The following MRPS10 variants were observed in gnomAD, a reference collection of about 807,000 sequenced individuals.
The protein encoded by MRPS10 is mitochondrial ribosomal protein S10.
MRPS10 carries 23 observed loss-of-function variants against 27.5 expected under a neutral mutation model. That is an observed-to-expected ratio of 0.84 (90% confidence interval 0.60 to 1.18). The LOEUF (loss-of-function observed/expected upper bound fraction) is 1.18. Among genes scored for constraint, MRPS10 ranks in the 50% most tolerant of loss-of-function variants. MRPS10 has a pLI of 0.00. For missense variants in MRPS10, 237 were observed against 240.1 expected (o/e 0.99, Z 0.09); for synonymous variants, 88 against 84.2 (o/e 1.04, Z -0.25).
Position 42,215,359 on chromosome 6 carries a change from C to CA in MRPS10, c.49-1016dup, listed in dbSNP as rs771389045. On this transcript the variant is annotated intron_variant, in intron 1 of 6. Transcript: ENST00000053468. ...TGGGTGACAGAGCGAGACTCCCTCT[C>CA]AAAAAAAAAAAAAGAAGTTTAGCAT... is the stretch of plus-strand genomic sequence containing the variant. Among the ~76,000 whole-genome samples, 108 of 73,254 alleles carry CA rather than the reference C, an allele frequency of 1.5e-3. 8 individuals are homozygous for CA. The highest frequency in any genetic ancestry group is 0.016 in the Middle Eastern group (2 of 122). The allele number at this position is 73,254 out of a possible 152,430, so 48.1% of individuals were successfully genotyped here. A position where few individuals can be genotyped will look rare whatever the true frequency, so the allele number is the denominator to read the frequency against.
At chr6:42,215,415 C>T (rs1306617794) in intron 1 of MRPS10, among the ~76,000 whole-genome samples, 2 of 143,496 alleles carry the variant, frequency 1.4e-5, no homozygotes, top group African/African-American at 5.2e-5. Flanking sequence ...AAATGATTGT[C>T]ACCTAAGTAC....
chr6:42,215,696 G>C (rs1255449580), intron 1 of MRPS10, among the ~76,000 whole-genome samples: 1 of 152,096 alleles, frequency 6.6e-6, no homozygotes, highest in Non-Finnish European at 1.5e-5. Flanking sequence ...CAAAGTGCTG[G>C]GATTTCAGGA....
chr6:42,217,763 C>G (rs1208940253), intron 1 of MRPS10, 39 bp downstream of exon 1: 1 of 1,609,438 alleles, frequency 6.2e-7, no homozygotes. Context: ...AAGCAACTAT[C>G]CCGGTCAGCC....
chr6:42,217,121 A>G (rs1768962664), intron 1 of MRPS10, among the ~76,000 whole-genome samples: 1 of 152,180 alleles, frequency 6.6e-6, no homozygotes. Flanking sequence ...CAGAAAATAT[A>G]TTTTTCATAA....
At position 42,214,128 on chromosome 6, in the gene MRPS10, T is replaced by C. The variant is rs754750651; in HGVS notation, c.178A>G (p.Lys60Glu). The C allele has an allele frequency of 6.2e-7, 1 of 1,611,304 alleles. No homozygotes were observed. Among genetic ancestry groups the C allele is most frequent in the Non-Finnish European group, 8.5e-7 (1 of 1,178,538 alleles). The part of the protein sequence containing the change: ...LHVDVPKDLT[K>E]PVVTISDEPD... Reference sequence around the variant, plus strand: ...AAACAGGGAGTACATACCACAGGTTTGGTCAAATCCTTTGGAACATCAACG... The same window carrying C: ...AAACAGGGAGTACATACCACAGGTTCGGTCAAATCCTTTGGAACATCAACG... The change falls in exon 3 of 7, where the codon AAA becomes GAA. Residue 60 changes from lysine (K) to glutamate (E), a missense_variant. This residue lies in a region of MRPS10 where 164 missense variants were observed against 137.8 expected (regional missense o/e 1.19). Transcript: ENST00000053468.
rs555605966 is a variant in MRPS10, at chr6:42,208,013, C to T, written c.*276G>A. Reference sequence around the variant, plus strand: ...CAAACTAATAATTGAACACCAGTAGCGTAACAAAATAGAATTTTCACTCTT... The same window carrying T: ...CAAACTAATAATTGAACACCAGTAGTGTAACAAAATAGAATTTTCACTCTT... On this transcript the variant is annotated 3_prime_UTR_variant, in exon 7 of 7. Coordinates refer to ENST00000053468, the MANE Select transcript of MRPS10 (RefSeq NM_018141.4). 16 of 411,664 alleles carry T rather than the reference C, an allele frequency of 3.9e-5. No individual in the cohort carries two copies. Among genetic ancestry groups the T allele is most frequent in the African/African-American group, 3.2e-4 (15 of 47,448 alleles). 25.5% of individuals were successfully genotyped at this position (411,664 alleles called of 1,614,324 possible). A position where few individuals can be genotyped will look rare whatever the true frequency, so the allele number is the denominator to read the frequency against.
In MRPS10 at chr6:42,214,263, T is replaced by C; in HGVS notation, c.113+17A>G. 8.1e-6 allele frequency: 13 copies of C among 1,611,186 alleles called. No individual in the cohort carries two copies. The highest frequency in any genetic ancestry group is 1.1e-5 in the Non-Finnish European group (13 of 1,177,754). ...AACCTATTTTGTTCAATTTAGCACA[T>C]CCAATTGTATACTTACAGAAGCAAG... On this transcript the variant is annotated intron_variant, in intron 2 of 6. Coordinates refer to ENST00000053468, the MANE Select transcript of MRPS10 (RefSeq NM_018141.4).
intron 5 of MRPS10, among the ~76,000 whole-genome samples, chr6:42,210,250 T>A (rs1221729329): frequency 6.6e-6 from 1 of 151,984 alleles, no homozygotes; most frequent in Non-Finnish European, 1.5e-5. Flanking sequence ...TCCAATGCTA[T>A]CTTTGCATAA....
chr6:42,216,385 A>AGAGAGAGAGAGTGT, intron 1 of MRPS10, among the ~76,000 whole-genome samples: 3 of 58,642 alleles, frequency 5.1e-5, no homozygotes, highest in Admixed American at 2.1e-4. Context: ...AGAGAGAGAG[A>AGAGAGAGAGAGTGT]GTGTGTGTGT....
At position 42,211,931 on chromosome 6, in the gene MRPS10, GAA is replaced by G. The variant is rs778608770; in HGVS notation, c.187-16_187-15del. 1 of 1,600,984 alleles carries G rather than the reference GAA, an allele frequency of 6.2e-7. No homozygotes were observed. Among genetic ancestry groups the G allele is most frequent in the Non-Finnish European group, 8.5e-7 (1 of 1,176,444 alleles). ...AGAGATTGTTACCTAAAATCCAAAAGAAAAGTTTCAGTTTTAGTTCCTCTTCT... is the reference window on the plus strand; with the variant it reads ...AGAGATTGTTACCTAAAATCCAAAAGAAGTTTCAGTTTTAGTTCCTCTTCT... On this transcript the variant is annotated splice_polypyrimidine_tract_variant and intron_variant, in intron 3 of 6. Transcript: ENST00000053468.
intron 4 of MRPS10, among the ~76,000 whole-genome samples, chr6:42,211,041 G>C (rs1318701487): frequency 5.3e-5 from 8 of 152,192 alleles, no homozygotes; most frequent in Non-Finnish European, 8.8e-5. Context: ...GTTTTTGTCA[G>C]AAGGCCAGAC....
intron 1 of MRPS10, among the ~76,000 whole-genome samples, chr6:42,216,357 CTT>C (rs1321575347): frequency 2.1e-4 from 8 of 38,012 alleles, no homozygotes; most frequent in East Asian, 2.5e-3. Flanking sequence ...CTTTGTATTT[CTT>C]GAGAGAGAGA....
chr6:42,216,010 CTTTTTTTTTTCTTTTCTT>C lies in MRPS10; in HGVS notation c.49-1684_49-1667del, dbSNP rs1228111801. 1.7e-3 allele frequency among the ~76,000 whole-genome samples: 218 copies of C among 129,116 alleles called. 5 individuals are homozygous for C. The highest frequency in any genetic ancestry group is 0.016 in the Middle Eastern group (4 of 244). 84.7% of individuals were successfully genotyped at this position (129,116 alleles called of 152,430 possible). On this transcript the variant is annotated intron_variant, in intron 1 of 6. Transcript: ENST00000053468. ...ACTATAAACCTCTGCTTTTTCTTTT[CTTTTTTTTTTCTTTTCTT>C]TTTTTTTTTTTTTTTGAGAGAGTCT...
At chr6:42,209,158 C>A (rs549379512) in intron 5 of MRPS10, among the ~76,000 whole-genome samples, 7 of 151,768 alleles carry the variant, frequency 4.6e-5, no homozygotes, top group Non-Finnish European at 1.0e-4. Flanking sequence ...CCATGTCCAG[C>A]TAATTTTTTT....
At chr6:42,211,636 T>C (rs2113862193) in intron 4 of MRPS10, 145 bp downstream of exon 4, 2 of 730,562 alleles carry the variant, frequency 2.7e-6, no homozygotes, top group Non-Finnish European at 4.1e-6. Flanking sequence ...GTTGTGCCAC[T>C]GTACTCCAGC....
Position 42,208,179 on chromosome 6 carries a change from A to G in MRPS10, c.*110T>C, listed in dbSNP as rs1768661710. 7 of 802,814 alleles carry G rather than the reference A, an allele frequency of 8.7e-6. No homozygotes were observed. Among genetic ancestry groups the G allele is most frequent in the Non-Finnish European group, 1.3e-5 (6 of 476,974 alleles). 49.7% of individuals were successfully genotyped at this position (802,814 alleles called of 1,614,324 possible). A position where few individuals can be genotyped will look rare whatever the true frequency, so the allele number is the denominator to read the frequency against. On this transcript the variant is annotated 3_prime_UTR_variant, in exon 7 of 7. Transcript: ENST00000053468. ...TGATGAGGGCACGAGAACTCAATGG[A>G]GCAGTTAGGGCAGACTCAAATCATC... is the stretch of plus-strand genomic sequence containing the variant.
chr6:42,209,554 C>T (rs1027085425), intron 5 of MRPS10, among the ~76,000 whole-genome samples: 7 of 151,696 alleles, frequency 4.6e-5, no homozygotes, highest in African/African-American at 1.7e-4. Context: ...TCAAGACCAG[C>T]CTGACCAATA....
chr6:42,209,747 C>CAA (rs60179760), intron 5 of MRPS10, among the ~76,000 whole-genome samples: 1 of 58,638 alleles, frequency 1.7e-5, no homozygotes, highest in African/African-American at 7.3e-5. Flanking sequence ...GACTCTATCT[C>CAA]AAAAAAAAAA....
chr6:42,209,578 T>A (rs951435596), intron 5 of MRPS10, among the ~76,000 whole-genome samples: 4 of 151,582 alleles, frequency 2.6e-5, no homozygotes, highest in Non-Finnish European at 4.4e-5. Context: ...TAAAACCCCA[T>A]CTCTACTAAA....
Sources: allele counts gnomAD v4.1 joint callset (sites outside exome capture counted in the v4.1 genomes callset), GRCh38; gene constraint gnomAD v4.1.1; regional missense constraint gnomAD v4.1.1; transcripts MANE v1.5; gene names NCBI Gene and HGNC (gene_info 2026-07-23, HGNC 2026-07-21).